The following IQSEC1 variants were observed in gnomAD, a reference collection of about 807,000 sequenced individuals.
IQSEC1 encodes IQ motif and SEC7 domain-containing protein 1.
A neutral mutation model predicts 91.0 loss-of-function variants in IQSEC1; 31 were observed. That is an observed-to-expected ratio of 0.34 (90% CI 0.26 to 0.46). The LOEUF is 0.46. Among genes scored for constraint, IQSEC1 ranks in the 20% least tolerant of loss-of-function variants. IQSEC1 has a pLI of 1.00. For synonymous variants in IQSEC1, 699 were observed against 662.6 expected, an observed-to-expected ratio of 1.05 and a Z score of -0.84; for missense variants, 1,388 against 1,575.6, an observed-to-expected ratio of 0.88 and a Z score of 2.02.
chr3:12,960,261 G>A (rs746362005), intron 1 of IQSEC1: 1 of 152,200 alleles, frequency 6.6e-6, no homozygotes, highest in African/African-American at 2.4e-5. Context: ...TCAGGAATCT[G>A]AGGATCGTTC....
At chr3:13,057,727 T>C (rs1704927774) in intron 1 of IQSEC1, among the ~76,000 whole-genome samples, 1 of 152,194 alleles carries the variant, frequency 6.6e-6, no homozygotes. Context: ...GTGAGATGAT[T>C]GTCCCAGAGC....
At chr3:13,275,744 T>C (rs1019086065) in intron 1 of IQSEC1, among the ~76,000 whole-genome samples, 2 of 152,176 alleles carry the variant, frequency 1.3e-5, no homozygotes, top group Admixed American at 6.5e-5. Flanking sequence ...CATCTCCTAT[T>C]TGCATGATGT....
chr3:12,991,210 G>C (rs1288115748), intron 1 of IQSEC1, among the ~76,000 whole-genome samples: 2 of 152,174 alleles, frequency 1.3e-5, no homozygotes, highest in African/African-American at 4.8e-5. Flanking sequence ...CAGGGACTCA[G>C]GGCAGGATTT....
In IQSEC1 at chr3:13,207,030, A is replaced by T. The variant is rs1292851234; in HGVS notation, c.273-42897T>A. Among the ~76,000 whole-genome samples the T allele has an allele frequency of 6.6e-6, 1 of 151,896 alleles. No individual in the cohort carries two copies. Among genetic ancestry groups the T allele is most frequent in the African/African-American group, 2.4e-5 (1 of 41,326 alleles). ...GCCACACCTGGACTGGTCATTTCCC[A>T]TCTCTAGCATATTAGCCAGGACAGC... On this transcript the variant is annotated intron_variant, in intron 1 of 15. Coordinates refer to the IQSEC1 transcript ENST00000648114. The surrounding 1 kb of genome is among the most constrained non-coding windows in gnomAD (Gnocchi z 4.8).
At chr3:13,236,691 C>A (rs1011789622) in intron 1 of IQSEC1, among the ~76,000 whole-genome samples, 1 of 152,180 alleles carries the variant, frequency 6.6e-6, no homozygotes, top group Non-Finnish European at 1.5e-5. Flanking sequence ...CGTGAGAAGG[C>A]GCCAGCTCCA....
At chr3:12,919,751 T>C (rs1003859195) in intron 6 of IQSEC1, among the ~76,000 whole-genome samples, 1 of 152,210 alleles carries the variant, frequency 6.6e-6, no homozygotes, top group East Asian at 1.9e-4. Context: ...GGTGCCTTCC[T>C]CCTTCCTTCC....
At chr3:12,953,195 CA>C (rs774846140) in intron 1 of IQSEC1, among the ~76,000 whole-genome samples, 2 of 152,218 alleles carry the variant, frequency 1.3e-5, no homozygotes, top group Non-Finnish European at 2.9e-5. Flanking sequence ...GGAGCACACC[CA>C]CAGCGCTGTC....
intron 1 of IQSEC1, among the ~76,000 whole-genome samples, chr3:13,267,043 A>G (rs1695504083): frequency 6.6e-6 from 1 of 151,332 alleles, no homozygotes; most frequent in Non-Finnish European, 1.5e-5. Context: ...CACCAGGTTC[A>G]TGTGTTGAAC....
intron 1 of IQSEC1, among the ~76,000 whole-genome samples, chr3:13,271,571 G>A (rs1413600043): frequency 5.3e-5 from 8 of 152,138 alleles, no homozygotes. Context: ...CAAGGTGGAA[G>A]TATAACTTTA....
Position 12,922,138 on chromosome 3 carries a change from C to A in IQSEC1, c.1835G>T (p.Arg612Leu). Residue 612 changes from arginine (R) to leucine (L), a missense_variant, in exon 5 of 14, where the codon CGG becomes CTG. By Grantham distance (102) the Arg-to-Leu change is moderately radical. Transcript: ENST00000613206. This position sits in a 1 kb window ranked among gnomAD's most constrained non-coding sequence, Gnocchi z 5.1. ...GCCCCACCTGAACGCCTCTATGAGC[C>A]GCTCCACTTTCTGAGCCTCCCCTTG... The part of the protein sequence containing the change: ...RVQGEAQKVE[R>L]LIEAFSQRYC... 2 of 1,608,678 alleles carry A rather than the reference C, an allele frequency of 1.2e-6. No individual in the cohort carries two copies. The highest frequency in any genetic ancestry group is 1.7e-6 in the Non-Finnish European group (2 of 1,176,404).
In IQSEC1 at chr3:12,958,523, C is replaced by T. The variant is rs116781359; in HGVS notation, c.24-16658G>A. Among the ~76,000 whole-genome samples, 1,349 of 152,314 alleles carry T rather than the reference C, an allele frequency of 8.9e-3. 24 individuals carry two copies. The highest frequency in any genetic ancestry group is 0.03 in the African/African-American group (1,260 of 41,568). On this transcript the variant is annotated intron_variant, in intron 1 of 13. Transcript: ENST00000613206. The stretch of plus-strand genomic sequence containing the variant: ...CCTGGGGCCTGTCACCCAGGAAAAG[C>T]AGAGAGTAGCTGCTGCCACTGTCAC...
intron 1 of IQSEC1, among the ~76,000 whole-genome samples, chr3:12,971,052 T>C (rs1700866832): frequency 6.6e-6 from 1 of 152,266 alleles, no homozygotes; most frequent in Non-Finnish European, 1.5e-5. Context: ...TCCACTTATG[T>C]ATTGTCAATG....
intron 2 of IQSEC1, among the ~76,000 whole-genome samples, chr3:13,126,519 A>C (rs947713794): frequency 6.6e-6 from 1 of 152,220 alleles, no homozygotes; most frequent in Non-Finnish European, 1.5e-5. Flanking sequence ...ATATGCTTTC[A>C]TCTGTCTCAG....
In IQSEC1 at chr3:13,282,522, G is replaced by A. The variant is rs1695814408; in HGVS notation, c.272+189C>T. Among the ~76,000 whole-genome samples, 1 of 151,904 alleles carries A rather than the reference G, an allele frequency of 6.6e-6. No individual in the cohort carries two copies. Among genetic ancestry groups the A allele is most frequent in the African/African-American group, 2.4e-5 (1 of 41,406 alleles). On this transcript the variant is annotated intron_variant, in intron 1 of 15. Coordinates refer to the IQSEC1 transcript ENST00000648114. This position sits in a 1 kb window ranked among gnomAD's most constrained non-coding sequence, Gnocchi z 6.4. The stretch of plus-strand genomic sequence containing the variant: ...AGTCCCCACCCGAGATCGAGCTCCG[G>A]ATCTGGGCGGCGACCCCGCCAGAGA...
At chr3:13,177,298 C>A (rs1186506046) in intron 1 of IQSEC1, among the ~76,000 whole-genome samples, 1 of 152,236 alleles carries the variant, frequency 6.6e-6, no homozygotes, top group Admixed American at 6.5e-5. Flanking sequence ...AGAGCTGGGA[C>A]CCCAGGAGCT....
intron 1 of IQSEC1, among the ~76,000 whole-genome samples, chr3:12,976,786 G>A (rs1344231734): frequency 6.6e-6 from 1 of 152,100 alleles, no homozygotes; most frequent in African/African-American, 2.4e-5. Flanking sequence ...AATGTCTGCT[G>A]GACAGGTGAA....
intron 1 of IQSEC1, chr3:13,047,560 C>A (rs1704546859): frequency 2.1e-6 from 2 of 974,760 alleles, no homozygotes; most frequent in Non-Finnish European, 1.2e-6. Flanking sequence ...ACTTATGGTC[C>A]CACACACACA....
At chr3:13,206,355 A>G (rs982050480) in intron 1 of IQSEC1, among the ~76,000 whole-genome samples, 3 of 152,226 alleles carry the variant, frequency 2.0e-5, no homozygotes, top group African/African-American at 7.2e-5. Flanking sequence ...AAAAGAGGAA[A>G]GTCTAATGGC....
Position 13,103,799 on chromosome 3 carries a change from G to GT in IQSEC1, c.303-56278dup, listed in dbSNP as rs1463854498. The stretch of plus-strand genomic sequence containing the variant: ...CTACCACCCTACGAGGGCAGGGGCT[G>GT]TGTCTGCCTCCATCACTGCTCTCTC... On this transcript the variant is annotated intron_variant, in intron 2 of 15. Coordinates refer to the IQSEC1 transcript ENST00000648114. The surrounding 1 kb of genome is among the most constrained non-coding windows in gnomAD (Gnocchi z 4.1). Among the ~76,000 whole-genome samples, 1 of 152,134 alleles carries GT rather than the reference G, an allele frequency of 6.6e-6. No individual in the cohort carries two copies. Among genetic ancestry groups the GT allele is most frequent in the African/African-American group, 2.4e-5 (1 of 41,438 alleles).
Sources: allele counts gnomAD v4.1 joint callset (sites outside exome capture counted in the v4.1 genomes callset), GRCh38; gene constraint gnomAD v4.1.1; non-coding constraint Gnocchi (gnomAD v3.1); transcripts MANE v1.5; gene names NCBI Gene and HGNC (gene_info 2026-07-23, HGNC 2026-07-21).